The following CAMSAP1 variants were observed in gnomAD, a reference collection of about 807,000 sequenced individuals.
CAMSAP1 encodes the protein calmodulin-regulated spectrin-associated protein 1.
CAMSAP1 carries 58 observed loss-of-function variants against 143.5 expected under a neutral mutation model. The ratio of observed to expected loss-of-function variants is 0.40; its 90% CI spans 0.33 to 0.50. The LOEUF (loss-of-function observed/expected upper bound fraction) is 0.50. CAMSAP1 is among the 20% of genes least tolerant of loss of function. The pLI is 0.45. For synonymous variants in CAMSAP1, 945 were observed against 859.3 expected (o/e 1.10, Z -1.74); for missense variants, 1,969 against 2,115.7 (o/e 0.93, Z 1.36).
In CAMSAP1 at chr9:135,821,147, G is replaced by A; in HGVS notation, c.3514C>T (p.His1172Tyr). 1 of 1,612,682 alleles carries A rather than the reference G, an allele frequency of 6.2e-7. No homozygotes were observed. Among genetic ancestry groups the A allele is most frequent in the Non-Finnish European group, 8.5e-7 (1 of 1,179,892 alleles). The change falls in exon 11 of 17, where the codon CAT becomes TAT. Residue 1172 changes from histidine to tyrosine, a missense_variant. By Grantham distance (83) the His-to-Tyr change is moderately conservative. This residue lies in a region of CAMSAP1 where 1,390 missense variants were observed against 1,420.8 expected (regional missense o/e 0.98). Coordinates refer to ENST00000389532, the MANE Select transcript of CAMSAP1 (RefSeq NM_015447.4). This position sits in a 1 kb window ranked among gnomAD's most constrained non-coding sequence, Gnocchi z 4.6. ...GKCLFDSYRL[H>Y]DESNQRTLTL... Reference sequence around the variant, plus strand: ...AGTGTCCGCTGATTGCTTTCATCATGGAGCCTGTAACTGTCGAAGAGACAC... The same window carrying A: ...AGTGTCCGCTGATTGCTTTCATCATAGAGCCTGTAACTGTCGAAGAGACAC...
At chr9:135,902,401 G>A (rs1341458744) in intron 1 of CAMSAP1, among the ~76,000 whole-genome samples, 1 of 152,168 alleles carries the variant, frequency 6.6e-6, no homozygotes, top group African/African-American at 2.4e-5. Context: ...TGCCAACACA[G>A]GGAGGAAGAC....
intron 7 of CAMSAP1, among the ~76,000 whole-genome samples, chr9:135,831,156 C>T (rs7850187): frequency 0.1 from 15,167 of 151,832 alleles, 985 homozygotes; most frequent in East Asian, 0.35. Flanking sequence ...AGTGAGACTC[C>T]GTCTCAAAAA....
intron 7 of CAMSAP1, among the ~76,000 whole-genome samples, chr9:135,845,353 T>C (rs1836514020): frequency 6.6e-6 from 1 of 152,210 alleles, no homozygotes; most frequent in Non-Finnish European, 1.5e-5. Flanking sequence ...AACTAGGTAT[T>C]GATGGGACGT....
At position 135,827,609 on chromosome 9, in the gene CAMSAP1, G is replaced by A. The variant is rs775721467; in HGVS notation, c.1046-25C>T. On this transcript the variant is annotated intron_variant, in intron 7 of 16. Coordinates refer to ENST00000389532, the MANE Select transcript of CAMSAP1 (RefSeq NM_015447.4). ...GCTGCAGAAATAGCGTTTTTGCATC[G>A]TTACTTACAACACTAACTGGAAGCA... The A allele has an allele frequency of 1.0e-5, 16 of 1,538,068 alleles. No homozygotes were observed. In the Admixed American group the frequency reaches 1.5e-4, roughly 14 times the overall value.
chr9:135,853,237 G>A (rs535347334), intron 5 of CAMSAP1, among the ~76,000 whole-genome samples: 1 of 150,390 alleles, frequency 6.6e-6, no homozygotes, highest in South Asian at 2.2e-4. Flanking sequence ...CTTACTCTTC[G>A]AAAACATCAA....
Position 135,818,999 on chromosome 9 carries a change from G to T in CAMSAP1, c.3959+11C>A. The T allele has an allele frequency of 6.2e-7, 1 of 1,604,274 alleles. No homozygotes were observed. Among genetic ancestry groups the T allele is most frequent in the Non-Finnish European group, 8.5e-7 (1 of 1,178,750 alleles). ...TGCTCAGTCTGCTTTCCCCCCCGGC[G>T]GGACGCTTACCGGGCTTCGTCACGC... On this transcript the variant is annotated intron_variant, in intron 12 of 16. Coordinates refer to ENST00000389532, the MANE Select transcript of CAMSAP1 (RefSeq NM_015447.4). This position sits in a 1 kb window ranked among gnomAD's most constrained non-coding sequence, Gnocchi z 7.7.
chr9:135,843,125 C>T (rs187144641), intron 7 of CAMSAP1, among the ~76,000 whole-genome samples: 5 of 152,092 alleles, frequency 3.3e-5, no homozygotes, highest in South Asian at 4.2e-4. Flanking sequence ...GTCGGGAGTT[C>T]GAGACCAGCC....
rs544538455 is a variant in CAMSAP1 at position 135,811,180 on chromosome 9, G to A, written c.*129C>T. On this transcript the variant is annotated 3_prime_UTR_variant, in exon 17 of 17. Transcript: ENST00000389532. The surrounding 1 kb of genome is among the most constrained non-coding windows in gnomAD (Gnocchi z 4.9). ...AGAAACCTCTTTGCAAAAGGTCTGT[G>A]ACTTTGCACACTTCGTACCCAAATA... 5.5e-6 allele frequency: 6 copies of A among 1,096,936 alleles called. No homozygotes were observed. The South Asian group carries it at 6.6e-5, about 12-fold the overall frequency. 68.0% of individuals were successfully genotyped at this position (1,096,936 alleles called of 1,614,324 possible). A position where few individuals can be genotyped will look rare whatever the true frequency, so the allele number is the denominator to read the frequency against.
At chr9:135,837,046 C>A in intron 7 of CAMSAP1, 1 of 714,192 alleles carries the variant, frequency 1.4e-6, no homozygotes, top group Non-Finnish European at 1.7e-6. Context: ...TCTAGAGACA[C>A]ACATCATCAT....
intron 7 of CAMSAP1, among the ~76,000 whole-genome samples, chr9:135,849,592 C>T (rs1836700630): frequency 6.6e-6 from 1 of 152,042 alleles, no homozygotes; most frequent in South Asian, 2.1e-4. Context: ...ATTTATCTAC[C>T]ACATACATTG....
chr9:135,812,718 C>T (rs1405663609), intron 16 of CAMSAP1, among the ~76,000 whole-genome samples: 1 of 152,148 alleles, frequency 6.6e-6, no homozygotes. Context: ...CCTGTAATCC[C>T]AACACTTTGG....
In CAMSAP1 at chr9:135,810,698, A is replaced by C. The variant is rs1374339017; in HGVS notation, c.*611T>G. ...AACTTTTTCTGAGCAGCAAGGGATA[A>C]GAATTTTTTTTCAGAAATCTTAGAA... On this transcript the variant is annotated 3_prime_UTR_variant, in exon 17 of 17. Coordinates refer to ENST00000389532, the MANE Select transcript of CAMSAP1 (RefSeq NM_015447.4). 6.5e-6 allele frequency: 1 copy of C among 152,694 alleles called. No homozygotes were observed. Among genetic ancestry groups the C allele is most frequent in the Non-Finnish European group, 1.5e-5 (1 of 68,086 alleles). 9.5% of individuals were successfully genotyped at this position (152,694 alleles called of 1,614,324 possible).
At position 135,862,494 on chromosome 9, in the gene CAMSAP1, A is replaced by G; in HGVS notation, c.781T>C (p.Tyr261His). 2 of 1,551,634 alleles carry G rather than the reference A, an allele frequency of 1.3e-6. No individual in the cohort carries two copies. Among genetic ancestry groups the G allele is most frequent in the Non-Finnish European group, 1.7e-6 (2 of 1,147,002 alleles). Residue 261 changes from tyrosine (Y) to histidine (H), a missense_variant, in exon 5 of 17, where the codon TAT becomes CAT. Around this residue, in one of 4 missense-constraint regions of CAMSAP1, gnomAD observed 221 missense variants for 298.2 expected, o/e 0.74. Coordinates refer to ENST00000389532, the MANE Select transcript of CAMSAP1 (RefSeq NM_015447.4). ...TCCAGTTTCATCTGCTCTGGGCAAT[A>G]ATAGTGAATCACAGCTAAGAGAGCA... is the stretch of plus-strand genomic sequence containing the variant. ...GAALLAVIHY[Y>H]CPEQMKLDDI... is the part of the protein sequence containing the mutation.
intron 5 of CAMSAP1, among the ~76,000 whole-genome samples, chr9:135,856,557 C>G (rs1309641643): frequency 6.6e-6 from 1 of 152,190 alleles, no homozygotes; most frequent in Non-Finnish European, 1.5e-5. Flanking sequence ...CCATCCCCTA[C>G]CCTATGACTA....
intron 4 of CAMSAP1, among the ~76,000 whole-genome samples, chr9:135,863,002 G>A (rs570016186): frequency 1.3e-5 from 2 of 152,306 alleles, no homozygotes; most frequent in East Asian, 1.9e-4. Context: ...TGAACATCCT[G>A]ACGCTCAGAA....
chr9:135,823,910 A>G, intron 10 of CAMSAP1, 40 bp downstream of exon 10: 1 of 1,509,834 alleles, frequency 6.6e-7, no homozygotes, highest in Non-Finnish European at 9.0e-7. Flanking sequence ...TTAGTATAAA[A>G]AACATTCCAA....
rs1357369400 is a variant in CAMSAP1 at position 135,820,481 on chromosome 9, C to T, written c.3822+358G>A. ...CCTGGCCACCTCCAGAGCATTCTAA[C>T]GACGAACGCTTTTTACGCTTTGGGG... On this transcript the variant is annotated intron_variant, in intron 11 of 16. Transcript: ENST00000389532. The surrounding 1 kb of genome is among the most constrained non-coding windows in gnomAD (Gnocchi z 4.4). Among the ~76,000 whole-genome samples the T allele has an allele frequency of 1.3e-5, 2 of 151,936 alleles. No individual in the cohort carries two copies. Among genetic ancestry groups the T allele is most frequent in the South Asian group, 2.1e-4 (1 of 4,828 alleles).
At chr9:135,848,809 T>G (rs1836669413) in intron 7 of CAMSAP1, among the ~76,000 whole-genome samples, 1 of 152,206 alleles carries the variant, frequency 6.6e-6, no homozygotes, top group Non-Finnish European at 1.5e-5. Context: ...TGTGTCCTGA[T>G]GCACAAGTAC....
At chr9:135,862,675 C>A in intron 4 of CAMSAP1, 67 bp from the exon 5 acceptor site, 1 of 1,478,254 alleles carries the variant, frequency 6.8e-7, no homozygotes, top group Non-Finnish European at 9.2e-7. Context: ...ATGTTACAGG[C>A]ACACTGTTAG....
Sources: allele counts gnomAD v4.1 joint callset (sites outside exome capture counted in the v4.1 genomes callset), GRCh38; gene constraint gnomAD v4.1.1; regional missense constraint gnomAD v4.1.1; non-coding constraint Gnocchi (gnomAD v3.1); transcripts MANE v1.5; gene names NCBI Gene and HGNC (gene_info 2026-07-23, HGNC 2026-07-21).